KIF16B: variants seen among roughly 807,000 people sequenced by gnomAD.
The protein encoded by KIF16B is kinesin-like protein KIF16B.
In KIF16B, 98 loss-of-function variants were observed where a neutral mutation model predicts 156.3. That is an observed-to-expected ratio of 0.63 (90% CI 0.53 to 0.74). The LOEUF is 0.74. Among genes scored for constraint, KIF16B ranks in the 30% least tolerant of loss-of-function variants. KIF16B has a pLI of 0.00. For synonymous variants in KIF16B, 564 were observed against 583.7 expected (o/e 0.97, Z 0.49); for missense variants, 1,421 against 1,606.5 (o/e 0.88, Z 1.97).
At chr20:16,470,258 G>A (rs2067622321) in intron 12 of KIF16B, among the ~76,000 whole-genome samples, 2 of 152,054 alleles carry the variant, frequency 1.3e-5, no homozygotes, top group Non-Finnish European at 2.9e-5. Context: ...TTATAATGAT[G>A]GACTACATCT....
chr20:16,530,182 G>T (rs972179336), intron 1 of KIF16B, among the ~76,000 whole-genome samples: 1 of 152,074 alleles, frequency 6.6e-6, no homozygotes, highest in African/African-American at 2.4e-5. Context: ...TATAAAGCAG[G>T]AACACTAACA....
intron 4 of KIF16B, among the ~76,000 whole-genome samples, chr20:16,513,259 A>C (rs8117456): frequency 0.55 from 83,352 of 152,000 alleles, 25,040 homozygotes; most frequent in African/African-American, 0.81. Context: ...GCTCAAATGA[A>C]CAAGGTAGGT....
chr20:16,565,299 C>T (rs145413782), intron 1 of KIF16B, among the ~76,000 whole-genome samples: 25 of 152,244 alleles, frequency 1.6e-4, no homozygotes, highest in African/African-American at 5.8e-4. Flanking sequence ...ACAAAATGCA[C>T]AGCCCATAGA....
At chr20:16,458,611 C>T (rs563079712) in intron 12 of KIF16B, among the ~76,000 whole-genome samples, 3 of 151,864 alleles carry the variant, frequency 2.0e-5, no homozygotes, top group African/African-American at 7.3e-5. Context: ...AAACATGAGG[C>T]TTAACAAAAT....
At chr20:16,316,639 G>A (rs1003234176) in intron 24 of KIF16B, among the ~76,000 whole-genome samples, 2 of 152,236 alleles carry the variant, frequency 1.3e-5, no homozygotes, top group South Asian at 4.2e-4. Flanking sequence ...CACTCCATTC[G>A]TAAAATAATA....
intron 2 of KIF16B, among the ~76,000 whole-genome samples, chr20:16,527,704 G>C (rs2069600096): frequency 6.6e-6 from 1 of 152,090 alleles, no homozygotes. Context: ...AGCCTCTCGA[G>C]TAGCTAGGAC....
chr20:16,379,071 G>A lies in KIF16B; in HGVS notation c.2931C>T (p.Ala977=), dbSNP rs2065023456. The A allele has an allele frequency of 1.2e-6, 2 of 1,611,814 alleles. No homozygotes were observed. Among genetic ancestry groups the A allele is most frequent in the Non-Finnish European group, 1.7e-6 (2 of 1,178,530 alleles). ...CTTTTTCCTCCTGACGTGCAATGTTGGCAGTGAATTCAAAGGTGGCTTGGA... is the reference window on the plus strand; with the variant it reads ...CTTTTTCCTCCTGACGTGCAATGTTAGCAGTGAATTCAAAGGTGGCTTGGA... ...QKLQATFEFT[A]NIARQEEKVR... is the part of the protein sequence containing the mutation. The change falls in exon 19 of 26, where the codon GCC becomes GCT. Residue 977 remains alanine, a synonymous_variant. Coordinates refer to ENST00000354981, the MANE Select transcript of KIF16B (RefSeq NM_024704.5).
In KIF16B at chr20:16,429,154, A is replaced by G; in HGVS notation, c.1423-150T>C. The G allele has an allele frequency of 2.9e-6, 2 of 684,034 alleles. 1 individual carries two copies. Among genetic ancestry groups the G allele is most frequent in the South Asian group, 3.5e-5 (2 of 57,656 alleles). 42.4% of individuals were successfully genotyped at this position (684,034 alleles called of 1,614,324 possible). ...GCTTCAATGCATCGAGAGCTCCCCAAGGCTCTGTAAAAAAGCCCCAGTTGT... is the reference window on the plus strand; with the variant it reads ...GCTTCAATGCATCGAGAGCTCCCCAGGGCTCTGTAAAAAAGCCCCAGTTGT... On this transcript the variant is annotated intron_variant, in intron 13 of 25. Coordinates refer to ENST00000354981, the MANE Select transcript of KIF16B (RefSeq NM_024704.5).
chr20:16,454,463 G>A (rs956726221), intron 12 of KIF16B, among the ~76,000 whole-genome samples: 9 of 151,258 alleles, frequency 6.0e-5, no homozygotes, highest in African/African-American at 1.9e-4. Flanking sequence ...TACAGTCTAA[G>A]TCAACATGGA....
At chr20:16,513,934 C>T (rs1017022247) in intron 4 of KIF16B, among the ~76,000 whole-genome samples, 18 of 152,132 alleles carry the variant, frequency 1.2e-4, no homozygotes, top group African/African-American at 4.3e-4. Flanking sequence ...TCAACCCCCA[C>T]ACCCAAAAAA....
intron 12 of KIF16B, 25 bp downstream of exon 12, chr20:16,494,266 C>T (rs780635173): frequency 1.5e-6 from 2 of 1,363,914 alleles, no homozygotes; most frequent in South Asian, 1.2e-5. Flanking sequence ...CATAGTAAGA[C>T]TAAACACATT....
At chr20:16,416,753 G>A (rs1402565274) in intron 15 of KIF16B, among the ~76,000 whole-genome samples, 1 of 151,786 alleles carries the variant, frequency 6.6e-6, no homozygotes, top group African/African-American at 2.4e-5. Context: ...AGTAGCAGGT[G>A]GATTGAAGAA....
intron 15 of KIF16B, among the ~76,000 whole-genome samples, chr20:16,407,382 A>G (rs1056014992): frequency 2.0e-5 from 3 of 152,142 alleles, no homozygotes; most frequent in East Asian, 3.9e-4. Flanking sequence ...CAGGGCATCA[A>G]TGAAGATAAG....
chr20:16,545,140 T>C (rs1244459040), intron 1 of KIF16B, among the ~76,000 whole-genome samples: 1 of 152,188 alleles, frequency 6.6e-6, no homozygotes, highest in Non-Finnish European at 1.5e-5. Context: ...TCTGAGTATC[T>C]TCTTTTGAGT....
Position 16,515,554 on chromosome 20 carries a change from T to C in KIF16B, c.342A>G (p.Gly114=). ...TGSGKSYTMM[G]NSGDSGLIPR... ...CACAGTATAAACAACGTACAGAATT[T>C]CCCATCATAGTGTATGACTTTCCAG... The change falls in exon 4 of 26, where the codon GGA becomes GGG. Residue 114 remains glycine, a synonymous_variant. Transcript: ENST00000354981. 1 of 1,546,428 alleles carries C rather than the reference T, an allele frequency of 6.5e-7. No homozygotes were observed. The highest frequency in any genetic ancestry group is 8.9e-7 in the Non-Finnish European group (1 of 1,118,598).
At chr20:16,550,599 C>G (rs1194875754) in intron 1 of KIF16B, among the ~76,000 whole-genome samples, 2 of 139,910 alleles carry the variant, frequency 1.4e-5, no homozygotes. Context: ...GTGGTGCGAT[C>G]AGAGCTCACT....
At position 16,381,723 on chromosome 20, in the gene KIF16B, A is replaced by C. The variant is rs1380660990; in HGVS notation, c.1809T>G (p.Arg603=). Residue 603 remains arginine (R), a synonymous_variant, in exon 18 of 26, where the codon CGT becomes CGG. Coordinates refer to ENST00000354981, the MANE Select transcript of KIF16B (RefSeq NM_024704.5). ...TACTTTCTAATTTTTCAAGTTCTTC[A>C]CGCTGTTGCCTCTCAAATTCAAGTC... ...NPGLEFERQQ[R]EELEKLESKR... 6.8e-6 allele frequency: 11 copies of C among 1,612,104 alleles called. No individual in the cohort carries two copies. In the South Asian group the frequency reaches 1.2e-4, roughly 18 times the overall value.
intron 17 of KIF16B, among the ~76,000 whole-genome samples, chr20:16,393,553 T>A (rs763567058): frequency 1.3e-5 from 2 of 152,212 alleles, no homozygotes; most frequent in Non-Finnish European, 2.9e-5. Context: ...AAGTTCCTTA[T>A]CTGGAAACAG....
intron 12 of KIF16B, among the ~76,000 whole-genome samples, chr20:16,438,092 A>C (rs2066697779): frequency 6.6e-6 from 1 of 152,054 alleles, no homozygotes; most frequent in Non-Finnish European, 1.5e-5. Flanking sequence ...CGTTGCAGTG[A>C]GCCAAGATTG....
Sources: gnomAD v4.1 joint callset for allele counts (sites outside exome capture counted in the v4.1 genomes callset) on GRCh38, gnomAD v4.1.1 for gene constraint, MANE v1.5 for transcripts, NCBI Gene and HGNC (gene_info 2026-07-23, HGNC 2026-07-21) for gene names.